The following SH2B2 variants were observed in gnomAD, a reference collection of about 807,000 sequenced individuals.
SH2B2 encodes the protein SH2B adaptor protein 2, also known as SH2B adapter protein 2.
In SH2B2, 37 loss-of-function variants were observed where a neutral mutation model predicts 35.7. That is an observed-to-expected ratio of 1.04 (90% CI 0.80 to 1.36). The LOEUF is 1.36. Among genes scored for constraint, SH2B2 ranks in the 40% most tolerant of loss-of-function variants. The pLI, the probability that SH2B2 is intolerant of heterozygous loss-of-function variation, is 0.00. For synonymous variants in SH2B2, 383 were observed against 376.4 expected (o/e 1.02, Z -0.20); for missense variants, 852 against 817.7 (o/e 1.04, Z -0.51).
intron 1 of SH2B2, among the ~76,000 whole-genome samples, chr7:102,296,841 T>C (rs1419686706): frequency 6.6e-6 from 1 of 152,176 alleles, no homozygotes; most frequent in Non-Finnish European, 1.5e-5. Context: ...TAGCCAGGCA[T>C]GGTAGCTCTT....
chr7:102,297,559 G>A lies in SH2B2; in HGVS notation c.-29-2963G>A, dbSNP rs971508782. Among the ~76,000 whole-genome samples, 1 of 152,206 alleles carries A rather than the reference G, an allele frequency of 6.6e-6. No individual in the cohort carries two copies. The highest frequency in any genetic ancestry group is 1.5e-5 in the Non-Finnish European group (1 of 68,046). ...AGGAGGAGACCCCTCAAGTCCTGGA[G>A]TCACTGCAGACCTGGGCGAGAACCC... is the stretch of plus-strand genomic sequence containing the variant. On this transcript the variant is annotated intron_variant, in intron 1 of 8. Coordinates refer to ENST00000444095, the MANE Select transcript of SH2B2 (RefSeq NM_001359228.2). The surrounding 1 kb of genome is among the most constrained non-coding windows in gnomAD (Gnocchi z 4.3).
chr7:102,293,870 C>A (rs1385837973), intron 1 of SH2B2, among the ~76,000 whole-genome samples: 2 of 152,070 alleles, frequency 1.3e-5, no homozygotes, highest in African/African-American at 4.8e-5. Flanking sequence ...TCTCCCAGAG[C>A]CCAGTCCAGC....
At chr7:102,304,414 C>T (rs572644123) in intron 2 of SH2B2, among the ~76,000 whole-genome samples, 1 of 152,304 alleles carries the variant, frequency 6.6e-6, no homozygotes, top group African/African-American at 2.4e-5. Context: ...GCCGGCCCCC[C>T]GCCATTAGGG....
chr7:102,286,689 A>G (rs1382797598), upstream of SH2B2, among the ~76,000 whole-genome samples: 1 of 147,228 alleles, frequency 6.8e-6, no homozygotes, highest in Non-Finnish European at 1.5e-5. Context: ...GGGAGCCAGC[A>G]AGCACCGGCC....
At chr7:102,308,345 G>C (rs550551746) in intron 3 of SH2B2, among the ~76,000 whole-genome samples, 1 of 152,352 alleles carries the variant, frequency 6.6e-6, no homozygotes, top group South Asian at 2.1e-4. Context: ...TTCCCCTTCA[G>C]AGGCTTCGTA....
chr7:102,320,240 T>G, intron 7 of SH2B2, 91 bp from the exon 8 acceptor site: 33 of 1,097,644 alleles, frequency 3.0e-5, no homozygotes, highest in Non-Finnish European at 3.9e-5. Flanking sequence ...ACAGCCCCTG[T>G]GAGCCTTGGT....
intron 1 of SH2B2, among the ~76,000 whole-genome samples, chr7:102,291,489 C>T (rs535076877): frequency 4.9e-4 from 74 of 152,162 alleles, no homozygotes; most frequent in Non-Finnish European, 9.8e-4. Context: ...CATACAAGTC[C>T]CAAGGGCTCT....
Position 102,317,305 on chromosome 7 carries a change from G to C in SH2B2, c.1305G>C (p.Gly435=), listed in dbSNP as rs782484238. The stretch of plus-strand genomic sequence containing the variant: ...CTGCTCAACTGGTTCTGGCAGGGGG[G>C]CCCCGGAACCACGGCCTCTTCGTGA... ...VKAAQLVLAG[G]PRNHGLFVIR... is the part of the protein sequence containing the mutation. Residue 435 remains glycine (G), a synonymous_variant, in exon 7 of 9, where the codon GGG becomes GGC. Transcript: ENST00000444095. The C allele has an allele frequency of 2.5e-6, 4 of 1,613,456 alleles. No individual in the cohort carries two copies. In the East Asian group the frequency reaches 6.7e-5, roughly 27 times the overall value.
At chr7:102,290,083 G>GC (rs374433847) in intron 1 of SH2B2, among the ~76,000 whole-genome samples, 46 of 86,180 alleles carry the variant, frequency 5.3e-4, no homozygotes, top group African/African-American at 1.0e-3. Context: ...GGATTCCCCC[G>GC]CCCCCCCACC....
chr7:102,285,149 C>T (rs1040138026), upstream of SH2B2: 31 of 1,544,712 alleles, frequency 2.0e-5, no homozygotes, highest in East Asian at 4.9e-5. Flanking sequence ...TCACTTCTTC[C>T]TCCCTGGGGA....
intron 4 of SH2B2, among the ~76,000 whole-genome samples, chr7:102,313,130 TA>T (rs1206179173): frequency 0.34 from 32,447 of 94,886 alleles, 4,323 homozygotes; most frequent in Middle Eastern, 0.41. Flanking sequence ...AAACTCTGTC[TA>T]AAAAAAAAAA....
chr7:102,301,375 G>T (rs1170228249), intron 2 of SH2B2, 96 bp downstream of exon 2: 2 of 1,370,848 alleles, frequency 1.5e-6, no homozygotes, highest in East Asian at 3.0e-5. Flanking sequence ...GGGACCGCGT[G>T]GTCTAATCTG....
In SH2B2 at chr7:102,314,612, C is replaced by T. The variant is rs2133028234; in HGVS notation, c.1116C>T (p.His372=). Residue 372 remains histidine (H), a synonymous_variant, in exon 6 of 9, where the codon CAC becomes CAT. Transcript: ENST00000444095. ...ATGCCGTCAGAGAATCCCTGATCCACGTCCCGCTAGAGACCTTTCTGCAGA... is the reference window on the plus strand; with the variant it reads ...ATGCCGTCAGAGAATCCCTGATCCATGTCCCGCTAGAGACCTTTCTGCAGA... ...GRDAVRESLI[H]VPLETFLQTL... 3 of 398,656 alleles carry T rather than the reference C, an allele frequency of 7.5e-6. No individual in the cohort carries two copies. The highest frequency in any genetic ancestry group is 1.3e-5 in the Non-Finnish European group (3 of 226,108). 24.7% of individuals were successfully genotyped at this position (398,656 alleles called of 1,614,324 possible).
At chr7:102,293,703 A>G (rs563098313) in intron 1 of SH2B2, among the ~76,000 whole-genome samples, 20 of 151,798 alleles carry the variant, frequency 1.3e-4, no homozygotes, top group South Asian at 2.1e-4. Flanking sequence ...CCTAGTCCCA[A>G]TGGAATGACA....
chr7:102,312,804 C>T (rs925198032), intron 4 of SH2B2, among the ~76,000 whole-genome samples: 4 of 152,152 alleles, frequency 2.6e-5, no homozygotes, highest in African/African-American at 4.8e-5. Context: ...CCTGCCTCAC[C>T]ACCACGCCCA....
At chr7:102,306,889 C>T (rs1793423113) in intron 3 of SH2B2, 67 bp downstream of exon 3, 1 of 1,266,308 alleles carries the variant, frequency 7.9e-7, no homozygotes. Flanking sequence ...TTAGGTGCTA[C>T]AGCTCCCTAG....
At chr7:102,304,684 G>A (rs547712156) in intron 2 of SH2B2, among the ~76,000 whole-genome samples, 20 of 152,326 alleles carry the variant, frequency 1.3e-4, no homozygotes, top group African/African-American at 4.8e-4. Flanking sequence ...TCCAAACTGG[G>A]GAACCACAGC....
intron 2 of SH2B2, among the ~76,000 whole-genome samples, chr7:102,303,436 G>A (rs116563275): frequency 0.022 from 3,359 of 152,178 alleles, 119 homozygotes; most frequent in African/African-American, 0.075. Context: ...TGAGTCACCC[G>A]CCGCTTCTTG....
At chr7:102,308,718 G>C in intron 3 of SH2B2, 97 bp from the exon 4 acceptor site, 2 of 872,396 alleles carry the variant, frequency 2.3e-6, no homozygotes, top group South Asian at 2.8e-5. Context: ...CTGTGGGAGA[G>C]GGGGATCAGC....
Sources: gnomAD v4.1 joint callset for allele counts (sites outside exome capture counted in the v4.1 genomes callset) on GRCh38, gnomAD v4.1.1 for gene constraint, Gnocchi (gnomAD v3.1) non-coding constraint, MANE v1.5 for transcripts, NCBI Gene and HGNC (gene_info 2026-07-23, HGNC 2026-07-21) for gene names.